DMD: variants seen among roughly 807,000 people sequenced by gnomAD.
DMD encodes mutant dystrophin.
DMD carries 63 observed loss-of-function variants against 330.1 expected under a neutral mutation model. That is an observed-to-expected ratio of 0.19 (90% confidence interval 0.16 to 0.24). The LOEUF is 0.24. Ranked by LOEUF, DMD falls within the 10% of genes least tolerant of loss-of-function variation. DMD has a pLI of 1.00. For synonymous variants in DMD, 1,223 were observed against 959.8 expected (o/e 1.27, Z -5.07); for missense variants, 3,344 against 2,684.1 (o/e 1.25, Z -5.43).
intron 74 of DMD, among the ~76,000 whole-genome samples, chrX:31,167,822 A>T (rs1416532183): frequency 8.9e-6 from 1 of 112,014 alleles, no homozygotes; most frequent in African/African-American, 3.2e-5. Context: ...TAGCCATTAA[A>T]TATTCAAACC....
At chrX:32,025,065 T>C (rs982752948) in intron 44 of DMD, among the ~76,000 whole-genome samples, 1 of 111,553 alleles carries the variant, frequency 9.0e-6, no homozygotes, top group South Asian at 3.7e-4. Context: ...CTTTCCACTA[T>C]ACTTGGTGTT....
chrX:31,299,540 C>T (rs112197951), intron 62 of DMD, among the ~76,000 whole-genome samples: 15,316 of 110,122 alleles, frequency 0.14, 1,254 homozygotes, highest in African/African-American at 0.31. Flanking sequence ...CACTTTGGGA[C>T]GCTGAGGTGG....
intron 1 of DMD, among the ~76,000 whole-genome samples, chrX:33,087,144 C>T (rs912821311): frequency 6.3e-5 from 7 of 111,674 alleles, no homozygotes; most frequent in African/African-American, 2.0e-4. Context: ...AAGAGATTAG[C>T]ATCCAAAGCC....
chrX:32,612,487 A>C (rs1165364492), intron 12 of DMD, among the ~76,000 whole-genome samples: 1 of 111,557 alleles, frequency 9.0e-6, no homozygotes, highest in African/African-American at 3.3e-5. Flanking sequence ...CATTAGTGTT[A>C]GTATATTTTA....
chrX:32,093,106 T>C (rs2096486591), intron 44 of DMD, among the ~76,000 whole-genome samples: 1 of 112,179 alleles, frequency 8.9e-6, no homozygotes, highest in Admixed American at 9.5e-5. Context: ...GAAAAAATAA[T>C]TTCTTACTTT....
chrX:33,050,973 C>G (rs1028236297), intron 1 of DMD, among the ~76,000 whole-genome samples: 1 of 110,752 alleles, frequency 9.0e-6, no homozygotes, highest in African/African-American at 3.3e-5. Flanking sequence ...GACCCATTTT[C>G]AAAAAAACAA....
chrX:31,310,941 TG>T (rs749958711), intron 62 of DMD, among the ~76,000 whole-genome samples: 314 of 111,477 alleles, frequency 2.8e-3, no homozygotes, highest in African/African-American at 9.9e-3. Flanking sequence ...AGATTGCTTT[TG>T]TAATTTTGAG....
At chrX:32,787,939 G>A (rs1039019438) in intron 7 of DMD, among the ~76,000 whole-genome samples, 2 of 111,347 alleles carry the variant, frequency 1.8e-5, no homozygotes, top group African/African-American at 6.5e-5. Context: ...TACTGTTTCT[G>A]GGCTCATATT....
chrX:32,879,388 T>G (rs1167193279), intron 2 of DMD, among the ~76,000 whole-genome samples: 4 of 111,864 alleles, frequency 3.6e-5, no homozygotes, highest in Admixed American at 1.9e-4. Flanking sequence ...CCAGTTTGAC[T>G]TTGCCCTTGC....
chrX:31,244,783 G>C (rs1418206912), intron 63 of DMD, among the ~76,000 whole-genome samples: 1 of 111,771 alleles, frequency 8.9e-6, no homozygotes, highest in East Asian at 2.8e-4. Flanking sequence ...TGGGTACTGA[G>C]ATGTGAGGTG....
chrX:31,425,096 G>C (rs764985212), intron 60 of DMD, among the ~76,000 whole-genome samples: 1 of 112,532 alleles, frequency 8.9e-6, no homozygotes, highest in South Asian at 3.7e-4. Context: ...CTATGTGTTA[G>C]TCTGCACAAG....
rs1458158695 is a variant in DMD at position 32,730,908 on chromosome X, C to T, written c.650-31615G>A. On this transcript the variant is annotated intron_variant, in intron 7 of 78. Coordinates refer to ENST00000357033, the MANE Select transcript of DMD (RefSeq NM_004006.3). ...CAGAAATCTGATTTGAGAGGAGGAGCCAAGATGGCCGAATAGGAACAGCTC... is the reference window on the plus strand; with the variant it reads ...CAGAAATCTGATTTGAGAGGAGGAGTCAAGATGGCCGAATAGGAACAGCTC... Among the ~76,000 whole-genome samples, 23 of 111,291 alleles carry T rather than the reference C, an allele frequency of 2.1e-4. 1 individual carries two copies. Among genetic ancestry groups the T allele is most frequent in the Admixed American group, 2.0e-3 (21 of 10,537 alleles).
intron 34 of DMD, among the ~76,000 whole-genome samples, chrX:32,379,254 G>A (rs1009716561): frequency 9.4e-6 from 1 of 106,112 alleles, no homozygotes; most frequent in Non-Finnish European, 1.9e-5. Context: ...GCTCCTTGAC[G>A]TTATGAAAAA....
chrX:31,314,742 C>CAGAGAGAGAGAGAGAGAGAGAAAGAG (rs1556488351), intron 62 of DMD, among the ~76,000 whole-genome samples: 49 of 55,277 alleles, frequency 8.9e-4, no homozygotes, highest in African/African-American at 3.7e-3. Context: ...AATACATACA[C>CAGAGAGAGAGAGAGAGAGAGAAAGAG]AGAGAGAGAG....
rs751853689 is a variant in DMD, at chrX:32,251,443, A to G, written c.6291-34380T>C. Among the ~76,000 whole-genome samples, 14 of 111,178 alleles carry G rather than the reference A, an allele frequency of 1.3e-4. No homozygotes were observed. The East Asian group carries it at 3.4e-3, about 27-fold the overall frequency. On this transcript the variant is annotated intron_variant, in intron 43 of 78. Transcript: ENST00000357033. ...CCCTTCTTTTCTGTTCTCCAGCTCA[A>G]TATTATCTAATATGCTCAGGGATCA... is the stretch of plus-strand genomic sequence containing the variant.
intron 52 of DMD, among the ~76,000 whole-genome samples, chrX:31,716,764 T>C (rs894136504): frequency 9.6e-5 from 9 of 93,479 alleles, no homozygotes; most frequent in Non-Finnish European, 1.9e-4. Context: ...ATCAGTCGTA[T>C]ATATAAAATT....
intron 2 of DMD, among the ~76,000 whole-genome samples, chrX:32,887,346 C>A (rs376807951): frequency 5.7e-4 from 60 of 104,831 alleles, no homozygotes; most frequent in African/African-American, 1.9e-3. Context: ...GAATCCATCT[C>A]AAAAAAAATA....
chrX:32,650,021 G>A (rs1309104002), intron 9 of DMD, among the ~76,000 whole-genome samples: 1 of 111,043 alleles, frequency 9.0e-6, no homozygotes, highest in East Asian at 2.8e-4. Context: ...TTTTTATGGG[G>A]AAACAGGTGA....
At chrX:32,535,881 T>G (rs1603635731) in intron 17 of DMD, among the ~76,000 whole-genome samples, 1 of 111,893 alleles carries the variant, frequency 8.9e-6, no homozygotes, top group East Asian at 2.8e-4. Context: ...AGAAATGATT[T>G]CTTCCCTCAA....
Sources: allele counts gnomAD v4.1 joint callset (sites outside exome capture counted in the v4.1 genomes callset), GRCh38; gene constraint gnomAD v4.1.1; transcripts MANE v1.5; gene names NCBI Gene and HGNC (gene_info 2026-07-23, HGNC 2026-07-21).